The following SFMBT1 variants were observed in gnomAD, a reference collection of about 807,000 sequenced individuals.
SFMBT1 encodes Scm like with four mbt domains 1.
Under a neutral mutation model 108.7 loss-of-function variants are expected in SFMBT1, and 32 were observed. The observed-to-expected ratio is 0.29, with a 90% confidence interval of 0.22 to 0.40. The LOEUF is 0.40. Among genes scored for constraint, SFMBT1 ranks in the 10% least tolerant of loss-of-function variants. The pLI, the probability that SFMBT1 is intolerant of heterozygous loss-of-function variation, is 1.00. For synonymous variants in SFMBT1, 348 were observed against 369.5 expected (o/e 0.94, Z 0.67); for missense variants, 816 against 1,059.6 (o/e 0.77, Z 3.19).
intron 2 of SFMBT1, among the ~76,000 whole-genome samples, chr3:52,967,741 A>C (rs1053599182): frequency 2.0e-5 from 3 of 152,204 alleles, no homozygotes; most frequent in Non-Finnish European, 4.4e-5. Context: ...ACTGGCGGCC[A>C]TGAGGGAGGT....
At chr3:53,036,611 T>C (rs1023284816) in intron 1 of SFMBT1, among the ~76,000 whole-genome samples, 6 of 152,204 alleles carry the variant, frequency 3.9e-5, no homozygotes, top group African/African-American at 2.4e-5. Flanking sequence ...GGCACCCAAC[T>C]TGGAAGCCCA....
intron 1 of SFMBT1, among the ~76,000 whole-genome samples, chr3:52,998,438 T>C (rs1698418039): frequency 6.7e-6 from 1 of 150,344 alleles, no homozygotes; most frequent in African/African-American, 2.4e-5. Flanking sequence ...AATATTATTT[T>C]GCTGACGCAT....
intron 15 of SFMBT1, among the ~76,000 whole-genome samples, chr3:52,912,855 A>AT (rs1218950888): frequency 6.6e-6 from 1 of 152,182 alleles, no homozygotes; most frequent in African/African-American, 2.4e-5. Flanking sequence ...CCTTTTCAAC[A>AT]TTTTTTAAAT....
At chr3:52,989,419 T>C (rs1245626477) in intron 1 of SFMBT1, among the ~76,000 whole-genome samples, 1 of 113,338 alleles carries the variant, frequency 8.8e-6, no homozygotes, top group Non-Finnish European at 1.8e-5. Flanking sequence ...CCTGACTCCA[T>C]CTCAAAAAAA....
At chr3:52,935,277 T>C (rs1479951193) in intron 4 of SFMBT1, among the ~76,000 whole-genome samples, 2 of 152,182 alleles carry the variant, frequency 1.3e-5, no homozygotes, top group Non-Finnish European at 2.9e-5. Context: ...GGCCAATCTG[T>C]TTCATCTAAA....
intron 1 of SFMBT1, among the ~76,000 whole-genome samples, chr3:52,996,645 C>G (rs1698343956): frequency 6.6e-6 from 1 of 150,382 alleles, no homozygotes; most frequent in Admixed American, 6.7e-5. Context: ...TATCATTACA[C>G]ACCAACTAAA....
rs529164291 is a variant in SFMBT1, at chr3:52,988,053, G to A, written c.-130-18795C>T. On this transcript the variant is annotated intron_variant, in intron 1 of 20. Transcript: ENST00000394752. Reference sequence around the variant, plus strand: ...ATAAAAAACAAAGTCTTTCCCCAACGGAGTAACAGGCTCTGCCTCAACCCA... The same window carrying A: ...ATAAAAAACAAAGTCTTTCCCCAACAGAGTAACAGGCTCTGCCTCAACCCA... Among the ~76,000 whole-genome samples the A allele has an allele frequency of 9.9e-5, 15 of 152,274 alleles. No homozygotes were observed. The East Asian group carries it at 2.1e-3, about 22-fold the overall frequency.
intron 1 of SFMBT1, among the ~76,000 whole-genome samples, chr3:53,033,553 A>C (rs778440581): frequency 1.3e-5 from 2 of 152,104 alleles, no homozygotes; most frequent in Non-Finnish European, 2.9e-5. Flanking sequence ...TTTTGAAAAA[A>C]TTCCAAATAC....
Position 53,001,925 on chromosome 3 carries a change from T to TCTCTCACA in SFMBT1, c.-130-32668_-130-32667insTGTGAGAG, listed in dbSNP as rs1448849638. ...GGGCAACAGAGCAAGACCCAGTCTC[T>TCTCTCACA]CACACACACACACACACACACACAC... On this transcript the variant is annotated intron_variant, in intron 1 of 20. Coordinates refer to ENST00000394752, the MANE Select transcript of SFMBT1 (RefSeq NM_016329.4). 2.7e-3 allele frequency among the ~76,000 whole-genome samples: 355 copies of TCTCTCACA among 129,230 alleles called. 26 individuals carry two copies. The highest frequency in any genetic ancestry group is 0.027 in the Admixed American group (326 of 12,122). The allele number at this position is 129,230 out of a possible 152,430, so 84.8% of individuals were successfully genotyped here. A position where few individuals can be genotyped will look rare whatever the true frequency, so the allele number is the denominator to read the frequency against.
chr3:53,016,704 T>C (rs1172985397), intron 1 of SFMBT1, among the ~76,000 whole-genome samples: 3 of 152,238 alleles, frequency 2.0e-5, no homozygotes, highest in African/African-American at 2.4e-5. Flanking sequence ...GACAGTTCTA[T>C]GTGATTATTT....
At chr3:53,003,712 C>T (rs921859370) in intron 1 of SFMBT1, among the ~76,000 whole-genome samples, 1 of 146,194 alleles carries the variant, frequency 6.8e-6, no homozygotes, top group East Asian at 2.0e-4. Context: ...ATGGATGCTG[C>T]TACCCTGCTG....
intron 2 of SFMBT1, among the ~76,000 whole-genome samples, chr3:52,963,883 A>C (rs1055037968): frequency 1.3e-5 from 2 of 152,242 alleles, no homozygotes; most frequent in African/African-American, 4.8e-5. Context: ...ATTTTAAAAT[A>C]ATTAGAGGAC....
chr3:52,915,193 T>A (rs1702314580), intron 14 of SFMBT1, among the ~76,000 whole-genome samples: 1 of 152,156 alleles, frequency 6.6e-6, no homozygotes, highest in South Asian at 2.1e-4. Flanking sequence ...TACTCCCCAA[T>A]GAAACTCCTG....
chr3:53,042,061 G>A (rs2106979686), intron 1 of SFMBT1, among the ~76,000 whole-genome samples: 1 of 152,184 alleles, frequency 6.6e-6, no homozygotes, highest in South Asian at 2.1e-4. Context: ...AATTATAAGA[G>A]AAAAAATGTA....
At chr3:52,979,191 C>CA (rs144425803) in intron 1 of SFMBT1, among the ~76,000 whole-genome samples, 6,554 of 140,998 alleles carry the variant, frequency 0.046, 188 homozygotes, top group Non-Finnish European at 0.067. Flanking sequence ...AAGCCAATGA[C>CA]AAAAAAAAAA....
intron 2 of SFMBT1, among the ~76,000 whole-genome samples, chr3:52,966,665 T>C (rs924805116): frequency 6.8e-6 from 1 of 146,480 alleles, no homozygotes; most frequent in Non-Finnish European, 1.5e-5. Flanking sequence ...GAAAATTCTC[T>C]AAATAGAAAT....
intron 1 of SFMBT1, among the ~76,000 whole-genome samples, chr3:53,027,621 C>T (rs1208816019): frequency 6.6e-6 from 1 of 152,224 alleles, no homozygotes; most frequent in African/African-American, 2.4e-5. Flanking sequence ...TGCCTACCAT[C>T]TGCCCCAGAG....
intron 8 of SFMBT1, 23 bp from the exon 9 acceptor site, chr3:52,928,364 A>G: frequency 6.2e-7 from 1 of 1,609,608 alleles, no homozygotes; most frequent in African/African-American, 1.3e-5. Context: ...TTAATAGATG[A>G]AATAGACAAA....
intron 1 of SFMBT1, among the ~76,000 whole-genome samples, chr3:53,004,847 G>A (rs1229128886): frequency 7.5e-6 from 1 of 132,472 alleles, no homozygotes; most frequent in East Asian, 2.2e-4. Context: ...CGGAAAGAAT[G>A]AGAAGGGAAC....
Sources: allele counts gnomAD v4.1 joint callset (sites outside exome capture counted in the v4.1 genomes callset), GRCh38; gene constraint gnomAD v4.1.1; transcripts MANE v1.5; gene names NCBI Gene and HGNC (gene_info 2026-07-23, HGNC 2026-07-21).